The following KCND2 variants were observed in gnomAD, a reference collection of about 807,000 sequenced individuals.
The protein encoded by KCND2 is potassium voltage-gated channel subfamily D member 2.
Under a neutral mutation model 54.4 loss-of-function variants are expected in KCND2, and 16 were observed. That is an observed-to-expected ratio of 0.29 (90% CI 0.20 to 0.45). KCND2 has a LOEUF of 0.45. Among genes scored for constraint, KCND2 ranks in the 20% least tolerant of loss-of-function variants. KCND2 has a pLI of 1.00. For missense variants in KCND2, 486 were observed against 824.2 expected, an observed-to-expected ratio of 0.59 and a Z score of 5.02; for synonymous variants, 317 against 310.7, an observed-to-expected ratio of 1.02 and a Z score of -0.21.
chr7:120,668,646 A>G (rs1214361635), intron 1 of KCND2, among the ~76,000 whole-genome samples: 1 of 152,076 alleles, frequency 6.6e-6, no homozygotes, highest in Non-Finnish European at 1.5e-5. Context: ...AATGACTTTA[A>G]CTTACTGCTG....
At chr7:120,508,222 C>G (rs1364474334) in intron 1 of KCND2, among the ~76,000 whole-genome samples, 1 of 151,876 alleles carries the variant, frequency 6.6e-6, no homozygotes, top group Non-Finnish European at 1.5e-5. Flanking sequence ...AAAAGAATCA[C>G]TTTTTATTAT....
chr7:120,486,706 G>A (rs1296458025), intron 1 of KCND2, among the ~76,000 whole-genome samples: 2 of 147,506 alleles, frequency 1.4e-5, no homozygotes, highest in Non-Finnish European at 3.0e-5. Flanking sequence ...TTTTTTCCTA[G>A]TTTGAATAGC....
At chr7:120,695,651 A>C (rs918031094) in intron 1 of KCND2, among the ~76,000 whole-genome samples, 1 of 152,232 alleles carries the variant, frequency 6.6e-6, no homozygotes, top group East Asian at 1.9e-4. Context: ...TAATAAATAC[A>C]TTTGTTGATT....
intron 1 of KCND2, among the ~76,000 whole-genome samples, chr7:120,648,028 G>T (rs1337570863): frequency 6.6e-6 from 1 of 152,066 alleles, no homozygotes; most frequent in African/African-American, 2.4e-5. Flanking sequence ...TTTCTTAATA[G>T]AATGAATAAG....
chr7:120,288,953 A>T (rs1168989696), intron 1 of KCND2, among the ~76,000 whole-genome samples: 1 of 152,000 alleles, frequency 6.6e-6, no homozygotes, highest in Non-Finnish European at 1.5e-5. Flanking sequence ...GAAGAGTCTT[A>T]TCAACTGCTT....
intron 1 of KCND2, among the ~76,000 whole-genome samples, chr7:120,604,153 C>T (rs965111362): frequency 2.6e-5 from 4 of 152,204 alleles, no homozygotes; most frequent in Middle Eastern, 3.4e-3. Flanking sequence ...ATTGCTGCTA[C>T]TATGTAAGTG....
intron 1 of KCND2, among the ~76,000 whole-genome samples, chr7:120,673,479 A>G (rs1792019002): frequency 6.6e-6 from 1 of 152,104 alleles, no homozygotes; most frequent in Non-Finnish European, 1.5e-5. Context: ...TATCATTGGT[A>G]CATTCAGTTT....
intron 1 of KCND2, among the ~76,000 whole-genome samples, chr7:120,562,061 A>G (rs1792242736): frequency 2.0e-5 from 3 of 152,216 alleles, no homozygotes; most frequent in South Asian, 2.1e-4. Flanking sequence ...GATTCAACGT[A>G]TCTGTTAATG....
At chr7:120,677,954 ATACTT>A (rs546434859) in intron 1 of KCND2, among the ~76,000 whole-genome samples, 1 of 152,048 alleles carries the variant, frequency 6.6e-6, no homozygotes, top group Non-Finnish European at 1.5e-5. Context: ...GGTAGTCTGT[ATACTT>A]TAATCAATGT....
At chr7:120,739,446 G>T (rs976059927) in intron 2 of KCND2, among the ~76,000 whole-genome samples, 3 of 151,988 alleles carry the variant, frequency 2.0e-5, no homozygotes, top group African/African-American at 7.2e-5. Flanking sequence ...TCCTGAAACT[G>T]CAGCCCAGCT....
chr7:120,353,765 A>T (rs1260983763), intron 1 of KCND2, among the ~76,000 whole-genome samples: 1 of 152,144 alleles, frequency 6.6e-6, no homozygotes, highest in African/African-American at 2.4e-5. Flanking sequence ...TATTTAAATA[A>T]TATTCTAATA....
intron 1 of KCND2, among the ~76,000 whole-genome samples, chr7:120,360,709 T>C (rs1800580304): frequency 6.6e-6 from 1 of 152,082 alleles, no homozygotes; most frequent in Admixed American, 6.6e-5. Flanking sequence ...ATATTTTCAC[T>C]AAAAATATGT....
chr7:120,304,481 C>A (rs1205174511), intron 1 of KCND2, among the ~76,000 whole-genome samples: 1 of 152,136 alleles, frequency 6.6e-6, no homozygotes, highest in Non-Finnish European at 1.5e-5. Context: ...GCAGCATTGG[C>A]ATCAATCACC....
chr7:120,274,831 C>T lies in KCND2; in HGVS notation c.199C>T (p.Leu67=). The T allele has an allele frequency of 6.2e-7, 1 of 1,614,182 alleles. No homozygotes were observed. The highest frequency in any genetic ancestry group is 8.5e-7 in the Non-Finnish European group (1 of 1,180,028). The change falls in exon 1 of 6, where the codon CTG becomes TTG. Residue 67 remains leucine, a synonymous_variant. Transcript: ENST00000331113. ...CCTGGAACGTTACCCAGACACTCTA[C>T]TGGGCAGTTCTGAGAGGGACTTTTT... The part of the protein sequence containing the change: ...DTLERYPDTL[L]GSSERDFFYH...
intron 1 of KCND2, among the ~76,000 whole-genome samples, chr7:120,304,514 A>T (rs1799623854): frequency 1.3e-5 from 2 of 152,176 alleles, no homozygotes; most frequent in South Asian, 4.1e-4. Flanking sequence ...AGAAATGCTT[A>T]CTAACATGCC....
chr7:120,474,615 C>T (rs1243922846), intron 1 of KCND2, among the ~76,000 whole-genome samples: 4 of 151,686 alleles, frequency 2.6e-5, no homozygotes, highest in Non-Finnish European at 5.9e-5. Flanking sequence ...CCACCTGCCT[C>T]AGCCTCCCAA....
At chr7:120,375,081 T>A (rs1800818148) in intron 1 of KCND2, among the ~76,000 whole-genome samples, 3 of 151,852 alleles carry the variant, frequency 2.0e-5, no homozygotes, top group Admixed American at 6.6e-5. Context: ...ACATATTAGG[T>A]ACACAATACA....
At chr7:120,682,588 A>G (rs905653878) in intron 1 of KCND2, among the ~76,000 whole-genome samples, 12 of 152,236 alleles carry the variant, frequency 7.9e-5, no homozygotes, top group East Asian at 5.8e-4. Context: ...CAGCCATTTA[A>G]TGATTATTGA....
In KCND2 at chr7:120,702,778, C is replaced by T. The variant is rs187251374; in HGVS notation, c.1116-30125C>T. On this transcript the variant is annotated intron_variant, in intron 1 of 5. Coordinates refer to ENST00000331113, the MANE Select transcript of KCND2 (RefSeq NM_012281.3). ...GGGGAACAACACATACAGGGGACCACTGAAAGGTGGAGGGTGGGAGGAGGG... is the reference window on the plus strand; with the variant it reads ...GGGGAACAACACATACAGGGGACCATTGAAAGGTGGAGGGTGGGAGGAGGG... Among the ~76,000 whole-genome samples, 3 of 152,108 alleles carry T rather than the reference C, an allele frequency of 2.0e-5. No individual in the cohort carries two copies. The East Asian group carries it at 5.8e-4, about 29-fold the overall frequency.
Sources: gnomAD v4.1 joint callset for allele counts (sites outside exome capture counted in the v4.1 genomes callset) on GRCh38, gnomAD v4.1.1 for gene constraint, MANE v1.5 for transcripts, NCBI Gene and HGNC (gene_info 2026-07-23, HGNC 2026-07-21) for gene names.